The following NAV3 variants were observed in gnomAD, a reference collection of about 807,000 sequenced individuals.
NAV3 encodes the protein pore membrane and/or filament interacting like protein 1.
NAV3 carries 87 observed loss-of-function variants against 244.7 expected under a neutral mutation model. That is an observed-to-expected ratio of 0.36 (90% CI 0.30 to 0.42). The LOEUF (loss-of-function observed/expected upper bound fraction) is 0.42. Among genes scored for constraint, NAV3 ranks in the 20% least tolerant of loss-of-function variants. The pLI is 1.00. For missense variants in NAV3, 2,663 were observed against 2,893.3 expected, an observed-to-expected ratio of 0.92 and a Z score of 1.83; for synonymous variants, 1,126 against 1,042.2, an observed-to-expected ratio of 1.08 and a Z score of -1.55.
At chr12:77,604,961 C>T (rs1870605961) in intron 2 of NAV3, among the ~76,000 whole-genome samples, 3 of 152,024 alleles carry the variant, frequency 2.0e-5, no homozygotes, top group Admixed American at 2.0e-4. Context: ...TACATGTTGC[C>T]ATTCTTCATT....
chr12:77,957,028 C>A (rs1233927372), intron 3 of NAV3, among the ~76,000 whole-genome samples: 1 of 152,192 alleles, frequency 6.6e-6, no homozygotes, highest in Non-Finnish European at 1.5e-5. Context: ...CAGGCGTGAG[C>A]CACCACACCC....
intron 1 of NAV3, among the ~76,000 whole-genome samples, chr12:77,857,882 A>G (rs1168519075): frequency 6.6e-6 from 1 of 151,986 alleles, no homozygotes; most frequent in East Asian, 1.9e-4. Context: ...TATGACACAG[A>G]GTTGATGAGT....
At chr12:77,739,791 A>C (rs1868293513) in intron 2 of NAV3, among the ~76,000 whole-genome samples, 1 of 152,212 alleles carries the variant, frequency 6.6e-6, no homozygotes, top group Admixed American at 6.5e-5. Flanking sequence ...AAATTGGAAT[A>C]ATGTCAGATG....
At chr12:77,694,573 A>G (rs1449339283) in intron 2 of NAV3, among the ~76,000 whole-genome samples, 1 of 151,998 alleles carries the variant, frequency 6.6e-6, no homozygotes, top group Non-Finnish European at 1.5e-5. Context: ...ACCGTGTATA[A>G]CAGATGACAG....
rs542617876 is a variant in NAV3, at chr12:78,048,471, C to A, written c.2024-1522C>A. Among the ~76,000 whole-genome samples the A allele has an allele frequency of 2.6e-5, 4 of 152,284 alleles. No individual in the cohort carries two copies. In the South Asian group the frequency reaches 8.3e-4, roughly 32 times the overall value. ...GTTAGTTTTCCTTTTAACAGTCAGGCCCCTCTGCTGCAGGTCTTCTGGAGT... is the reference window on the plus strand; with the variant it reads ...GTTAGTTTTCCTTTTAACAGTCAGGACCCTCTGCTGCAGGTCTTCTGGAGT... On this transcript the variant is annotated intron_variant, in intron 9 of 39. Coordinates refer to ENST00000397909, the MANE Select transcript of NAV3 (RefSeq NM_001024383.2).
At chr12:78,052,218 G>A (rs1593400264) in intron 11 of NAV3, 1 of 151,340 alleles carries the variant, frequency 6.6e-6, no homozygotes, top group African/African-American at 2.5e-5. Context: ...AGGGTGACAC[G>A]ACCTAAAAAA....
intron 2 of NAV3, among the ~76,000 whole-genome samples, chr12:77,586,614 G>A (rs889184226): frequency 1.3e-5 from 2 of 152,148 alleles, no homozygotes; most frequent in Admixed American, 6.5e-5. Context: ...TAAATCTAGA[G>A]CAACTAACTA....
At chr12:77,761,539 A>T (rs1224525809) in intron 2 of NAV3, among the ~76,000 whole-genome samples, 9 of 152,326 alleles carry the variant, frequency 5.9e-5, no homozygotes, top group African/African-American at 2.2e-4. Context: ...CTGACAAAGG[A>T]TAATATCCAG....
intron 1 of NAV3, among the ~76,000 whole-genome samples, chr12:77,850,000 G>T (rs536974507): frequency 6.6e-6 from 1 of 152,242 alleles, no homozygotes; most frequent in African/African-American, 2.4e-5. Flanking sequence ...TTAAAAAGTG[G>T]CTATAAAATT....
chr12:77,631,351 A>T (rs11106035), intron 2 of NAV3, among the ~76,000 whole-genome samples: 14,225 of 151,730 alleles, frequency 0.094, 1,746 homozygotes, highest in African/African-American at 0.29. Flanking sequence ...CAAATCCATC[A>T]TGGAAAAAGA....
intron 1 of NAV3, among the ~76,000 whole-genome samples, chr12:77,880,887 C>T (rs1882551062): frequency 6.6e-6 from 1 of 152,138 alleles, no homozygotes; most frequent in Non-Finnish European, 1.5e-5. Flanking sequence ...ATGAAATCAC[C>T]TAAGAAGGCG....
intron 2 of NAV3, among the ~76,000 whole-genome samples, chr12:77,817,242 C>A (rs967140645): frequency 1.1e-4 from 16 of 152,034 alleles, no homozygotes; most frequent in Admixed American, 5.2e-4. Flanking sequence ...AGCAAGCAAG[C>A]TTTAAGGCTT....
chr12:77,753,392 G>C (rs1399526969), intron 2 of NAV3, among the ~76,000 whole-genome samples: 4 of 151,972 alleles, frequency 2.6e-5, no homozygotes. Context: ...TTCTTTTAAA[G>C]TAGATAACCA....
chr12:77,663,507 TTTC>T (rs1057366522), intron 2 of NAV3, among the ~76,000 whole-genome samples: 52 of 149,104 alleles, frequency 3.5e-4, no homozygotes, highest in Admixed American at 8.6e-4. Context: ...GCAGTATTTC[TTTC>T]TTCTTCTTCT....
At chr12:77,608,959 G>A (rs79485880) in intron 2 of NAV3, among the ~76,000 whole-genome samples, 9,726 of 152,044 alleles carry the variant, frequency 0.064, 391 homozygotes, top group African/African-American at 0.11. Context: ...GATTTTTCCT[G>A]AAAACATATT....
chr12:77,831,225 G>GAA lies in NAV3; in HGVS notation c.-236_-235insAA, dbSNP rs1565835016. On this transcript the variant is annotated 5_prime_UTR_variant, in exon 1 of 40. Coordinates refer to ENST00000397909, the MANE Select transcript of NAV3 (RefSeq NM_001024383.2). Reference sequence around the variant, plus strand: ...AGAGAGAGAGAGAGAGAGAAAGAGAGAGAGAGAGAGAATGAGAATGAATAT... The same window carrying GAA: ...AGAGAGAGAGAGAGAGAGAAAGAGAGAAAGAGAGAGAGAATGAGAATGAATAT... 2 of 368,044 alleles carry GAA rather than the reference G, an allele frequency of 5.4e-6. No homozygotes were observed. The highest frequency in any genetic ancestry group is 2.4e-5 in the African/African-American group (1 of 41,056). 22.8% of individuals were successfully genotyped at this position (368,044 alleles called of 1,614,324 possible).
intron 2 of NAV3, among the ~76,000 whole-genome samples, chr12:77,660,999 C>T (rs1166019300): frequency 6.6e-6 from 1 of 152,122 alleles, no homozygotes; most frequent in Non-Finnish European, 1.5e-5. Context: ...AGCTGATGGT[C>T]ATTTGAAATG....
At chr12:78,164,282 AG>A (rs1326065245) in intron 23 of NAV3, among the ~76,000 whole-genome samples, 1 of 152,116 alleles carries the variant, frequency 6.6e-6, no homozygotes, top group African/African-American at 2.4e-5. Context: ...GCAGAGAAGT[AG>A]CCCCTTGTAT....
At chr12:77,763,123 G>T (rs1185713246) in intron 2 of NAV3, among the ~76,000 whole-genome samples, 1 of 152,174 alleles carries the variant, frequency 6.6e-6, no homozygotes, top group African/African-American at 2.4e-5. Context: ...AATATAGACT[G>T]TACCCCTGCC....
Sources: allele counts gnomAD v4.1 joint callset (sites outside exome capture counted in the v4.1 genomes callset), GRCh38; gene constraint gnomAD v4.1.1; transcripts MANE v1.5; gene names NCBI Gene and HGNC (gene_info 2026-07-23, HGNC 2026-07-21).